PDE4B: variants seen among roughly 807,000 people sequenced by gnomAD.
PDE4B encodes the protein phosphodiesterase 4B.
PDE4B carries 20 observed loss-of-function variants against 82.2 expected under a neutral mutation model. The ratio of observed to expected loss-of-function variants is 0.24; its 90% CI spans 0.17 to 0.35. PDE4B has a LOEUF of 0.35. Ranked by LOEUF, PDE4B falls within the 10% of genes least tolerant of loss-of-function variation. PDE4B has a pLI of 1.00. For synonymous variants in PDE4B, 320 were observed against 318.9 expected (o/e 1.00, Z -0.04); for missense variants, 655 against 907.2 (o/e 0.72, Z 3.57).
At position 66,066,944 on chromosome 1, in the gene PDE4B, T is replaced by C. The variant is rs186583188; in HGVS notation, c.281+148109T>C. 1.3e-4 allele frequency among the ~76,000 whole-genome samples: 20 copies of C among 152,104 alleles called. No individual in the cohort carries two copies. In the East Asian group the frequency reaches 2.7e-3, roughly 21 times the overall value. The stretch of plus-strand genomic sequence containing the variant: ...TCTGAACATTCAGCAGGAAAAGTAA[T>C]ATAATCTTTTTTGGTTCAGAGCAGT... On this transcript the variant is annotated intron_variant, in intron 3 of 16. Transcript: ENST00000341517.
chr1:65,918,400 T>C (rs1310684783), intron 2 of PDE4B, among the ~76,000 whole-genome samples, 197 bp from the exon 3 acceptor site: 1 of 152,186 alleles, frequency 6.6e-6, no homozygotes, highest in East Asian at 1.9e-4. Context: ...AACTGATAAG[T>C]TTATTCTAAA....
At chr1:66,291,695 T>C (rs748262150) in intron 7 of PDE4B, among the ~76,000 whole-genome samples, 3 of 152,206 alleles carry the variant, frequency 2.0e-5, no homozygotes, top group Non-Finnish European at 4.4e-5. Flanking sequence ...TGCTGACACA[T>C]GTGACAGCAT....
At chr1:66,210,497 G>C (rs1649936872) in intron 3 of PDE4B, among the ~76,000 whole-genome samples, 1 of 148,424 alleles carries the variant, frequency 6.7e-6, no homozygotes, top group Non-Finnish European at 1.5e-5. Context: ...TTGGGAGACT[G>C]AGGCAGGAGA....
At chr1:65,969,211 T>TA (rs1393948658) in intron 3 of PDE4B, among the ~76,000 whole-genome samples, 1 of 152,174 alleles carries the variant, frequency 6.6e-6, no homozygotes, top group Non-Finnish European at 1.5e-5. Context: ...TGATCACAAT[T>TA]ACTCTGGAAC....
Position 65,905,387 on chromosome 1 carries a change from G to A in PDE4B, c.-70-7858G>A, listed in dbSNP as rs547506354. On this transcript the variant is annotated intron_variant, in intron 1 of 16. Coordinates refer to ENST00000341517, the MANE Select transcript of PDE4B (RefSeq NM_002600.4). ...TGCTGGATACACTCTACATCCAGTCGAACTAAAGCTAAATGAGTTACAGGG... is the reference window on the plus strand; with the variant it reads ...TGCTGGATACACTCTACATCCAGTCAAACTAAAGCTAAATGAGTTACAGGG... Among the ~76,000 whole-genome samples the A allele has an allele frequency of 6.8e-4, 104 of 152,136 alleles. 2 individuals carry two copies. The highest frequency in any genetic ancestry group is 2.0e-3 in the African/African-American group (85 of 41,516).
At chr1:66,153,987 GCAC>G (rs1646453500) in intron 3 of PDE4B, among the ~76,000 whole-genome samples, 1 of 152,140 alleles carries the variant, frequency 6.6e-6, no homozygotes, top group Non-Finnish European at 1.5e-5. Flanking sequence ...ATCTCTAAAT[GCAC>G]CTGGGAGGAA....
chr1:65,900,147 T>G (rs1049570074), intron 1 of PDE4B, among the ~76,000 whole-genome samples: 2 of 152,028 alleles, frequency 1.3e-5, no homozygotes, highest in African/African-American at 4.8e-5. Flanking sequence ...TGTGATGAAA[T>G]GTAGGGGTCC....
intron 3 of PDE4B, among the ~76,000 whole-genome samples, chr1:66,122,909 T>C (rs1199024660): frequency 1.3e-5 from 2 of 151,998 alleles, no homozygotes; most frequent in African/African-American, 4.8e-5. Context: ...TTTCACCGCA[T>C]TGGCCAGGCT....
intron 16 of PDE4B, 130 bp downstream of exon 16, chr1:66,369,099 T>C (rs1222440835): frequency 1.5e-6 from 1 of 680,322 alleles, no homozygotes; most frequent in Non-Finnish European, 2.3e-6. Context: ...ACGCATTTTG[T>C]TCCATTATAG....
chr1:66,245,242 A>C (rs972971505), intron 3 of PDE4B, among the ~76,000 whole-genome samples: 1 of 152,202 alleles, frequency 6.6e-6, no homozygotes, highest in Non-Finnish European at 1.5e-5. Context: ...GGGGCAGTGG[A>C]TGGATGCTAA....
intron 3 of PDE4B, among the ~76,000 whole-genome samples, chr1:66,181,370 C>T (rs1647059685): frequency 6.6e-6 from 1 of 152,172 alleles, no homozygotes. Flanking sequence ...GACATTTAAA[C>T]ACATGTTCTC....
chr1:66,309,186 G>C (rs546623627), intron 7 of PDE4B, among the ~76,000 whole-genome samples: 2 of 152,288 alleles, frequency 1.3e-5, no homozygotes, highest in South Asian at 4.1e-4. Flanking sequence ...TCAGTAGTAT[G>C]TTTCTGGGAA....
chr1:66,347,467 G>T (rs1661491078), intron 8 of PDE4B, among the ~76,000 whole-genome samples: 1 of 152,164 alleles, frequency 6.6e-6, no homozygotes, highest in Non-Finnish European at 1.5e-5. Flanking sequence ...CTAGCTTAGG[G>T]ATTACTGAAA....
chr1:65,887,412 C>CTT (rs1285765740), intron 1 of PDE4B, among the ~76,000 whole-genome samples: 10 of 6,936 alleles, frequency 1.4e-3, no homozygotes, highest in East Asian at 6.9e-3. Flanking sequence ...TCTTTTTCTT[C>CTT]TGTTTTTTTT....
chr1:66,178,390 A>G (rs75774865), intron 3 of PDE4B, among the ~76,000 whole-genome samples: 2,136 of 152,206 alleles, frequency 0.014, 43 homozygotes, highest in African/African-American at 0.049. Flanking sequence ...AGCTGAATGA[A>G]AACTCGGTTC....
intron 1 of PDE4B, among the ~76,000 whole-genome samples, chr1:65,809,956 C>T (rs1372160500): frequency 3.3e-5 from 5 of 152,190 alleles, no homozygotes; most frequent in African/African-American, 1.2e-4. Flanking sequence ...TCTTAAAATG[C>T]AGTTAAATTT....
At chr1:65,932,694 A>T (rs906417175) in intron 3 of PDE4B, among the ~76,000 whole-genome samples, 1 of 152,232 alleles carries the variant, frequency 6.6e-6, no homozygotes, top group Non-Finnish European at 1.5e-5. Flanking sequence ...GATGTTCACC[A>T]AAACCAAGAG....
At chr1:66,201,161 C>T (rs1648900097) in intron 3 of PDE4B, among the ~76,000 whole-genome samples, 1 of 152,038 alleles carries the variant, frequency 6.6e-6, no homozygotes, top group South Asian at 2.1e-4. Context: ...TTGATTTGTG[C>T]ATGTTGAGCC....
At chr1:66,251,366 A>G (rs930872719) in intron 4 of PDE4B, among the ~76,000 whole-genome samples, 2 of 152,182 alleles carry the variant, frequency 1.3e-5, no homozygotes, top group African/African-American at 4.8e-5. Flanking sequence ...GGTAAACTAT[A>G]TGGATATCCA....
Sources: allele counts gnomAD v4.1 joint callset (sites outside exome capture counted in the v4.1 genomes callset), GRCh38; gene constraint gnomAD v4.1.1; transcripts MANE v1.5; gene names NCBI Gene and HGNC (gene_info 2026-07-23, HGNC 2026-07-21).